Variants in CNTNAP4 observed in about 807,000 individuals in gnomAD.
The protein encoded by CNTNAP4 is contactin associated protein family member 4.
In CNTNAP4, 98 loss-of-function variants were observed where a neutral mutation model predicts 148.4. The observed-to-expected ratio is 0.66, with a 90% CI of 0.56 to 0.78. The LOEUF (loss-of-function observed/expected upper bound fraction) is 0.78. CNTNAP4 is among the 30% of genes least tolerant of loss of function. The probability of loss-of-function intolerance (pLI) is 0.00; values close to 1 mark genes in which losing one functional copy is unlikely to be tolerated. For missense variants in CNTNAP4, 1,935 were observed against 1,565.6 expected, an observed-to-expected ratio of 1.24 and a Z score of -3.98; for synonymous variants, 730 against 565.1, an observed-to-expected ratio of 1.29 and a Z score of -4.14.
At chr16:76,287,722 T>G (rs928150690) in intron 1 of CNTNAP4, 6 of 152,364 alleles carry the variant, frequency 3.9e-5, no homozygotes, top group Admixed American at 3.3e-4. Context: ...CTGTTCCCTC[T>G]TCCTTCCTCA....
At chr16:76,364,994 T>G (rs979821840) in intron 3 of CNTNAP4, among the ~76,000 whole-genome samples, 2 of 152,180 alleles carry the variant, frequency 1.3e-5, no homozygotes, top group African/African-American at 4.8e-5. Flanking sequence ...CTTCTAGGGT[T>G]TTTATGGTTA....
rs556250965 is a variant in CNTNAP4 at position 76,326,645 on chromosome 16, G to A, written c.196+10122G>A. On this transcript the variant is annotated intron_variant, in intron 2 of 23. Transcript: ENST00000611870. ...AAAAAATGATGAGTTCATGTCCTTT[G>A]TAGGGACATGGATAAAGCTGGAAAC... 6.3e-3 allele frequency among the ~76,000 whole-genome samples: 953 copies of A among 152,222 alleles called. 6 individuals carry two copies. Among genetic ancestry groups the A allele is most frequent in the Non-Finnish European group, 7.4e-3 (502 of 68,014 alleles).
At chr16:76,539,106 A>G (rs959905097) in intron 19 of CNTNAP4, among the ~76,000 whole-genome samples, 1 of 152,072 alleles carries the variant, frequency 6.6e-6, no homozygotes, top group Non-Finnish European at 1.5e-5. Context: ...GCTTATTTAT[A>G]TATTAGGGCA....
intron 17 of CNTNAP4, among the ~76,000 whole-genome samples, chr16:76,526,189 G>C (rs1372056693): frequency 6.6e-6 from 1 of 152,066 alleles, no homozygotes; most frequent in African/African-American, 2.4e-5. Flanking sequence ...AAACAGAAGA[G>C]AAAACCCTGT....
At chr16:76,371,601 A>G (rs1298133800) in intron 3 of CNTNAP4, among the ~76,000 whole-genome samples, 2 of 152,164 alleles carry the variant, frequency 1.3e-5, no homozygotes, top group African/African-American at 4.8e-5. Flanking sequence ...CACTTCTGGG[A>G]CAAGGTTACA....
At chr16:76,319,969 T>A (rs1460796766) in intron 2 of CNTNAP4, among the ~76,000 whole-genome samples, 1 of 152,224 alleles carries the variant, frequency 6.6e-6, no homozygotes, top group Non-Finnish European at 1.5e-5. Context: ...ACTAGAAGTT[T>A]AGTGCCACTG....
chr16:76,431,803 C>T (rs1375429481), intron 4 of CNTNAP4, among the ~76,000 whole-genome samples: 1 of 129,640 alleles, frequency 7.7e-6, no homozygotes, highest in African/African-American at 2.6e-5. Flanking sequence ...CTCCGTTGAT[C>T]CTTTTTTTTT....
intron 15 of CNTNAP4, among the ~76,000 whole-genome samples, chr16:76,517,828 G>T (rs1312696217): frequency 6.6e-6 from 1 of 151,880 alleles, no homozygotes; most frequent in Non-Finnish European, 1.5e-5. Flanking sequence ...TCCCTCGATC[G>T]CTCCATCTCC....
At chr16:76,481,704 A>G (rs1239226453) in intron 12 of CNTNAP4, among the ~76,000 whole-genome samples, 1 of 152,202 alleles carries the variant, frequency 6.6e-6, no homozygotes, top group Non-Finnish European at 1.5e-5. Flanking sequence ...CAAAATTATT[A>G]TACATTGAGG....
intron 6 of CNTNAP4, 39 bp from the exon 7 acceptor site, chr16:76,449,676 T>C (rs1194102745): frequency 1.3e-6 from 2 of 1,503,802 alleles, no homozygotes; most frequent in Non-Finnish European, 1.8e-6. Context: ...TTTTAGAAAA[T>C]CACTAAACAA....
chr16:76,311,376 T>A (rs1373902796), intron 1 of CNTNAP4, among the ~76,000 whole-genome samples: 22 of 152,150 alleles, frequency 1.4e-4, no homozygotes. Context: ...TTTTCTGTCA[T>A]GTAAAGAGTA....
intron 3 of CNTNAP4, among the ~76,000 whole-genome samples, chr16:76,424,558 A>T (rs530967768): frequency 4.6e-5 from 7 of 152,246 alleles, no homozygotes; most frequent in African/African-American, 1.4e-4. Context: ...GTTTGAGACC[A>T]GCCTGGCCAA....
chr16:76,334,203 A>C (rs1963817031), intron 2 of CNTNAP4, among the ~76,000 whole-genome samples: 1 of 148,294 alleles, frequency 6.7e-6, no homozygotes, highest in Non-Finnish European at 1.5e-5. Flanking sequence ...TAATAATAAT[A>C]AACAGCCTAT....
intron 21 of CNTNAP4, among the ~76,000 whole-genome samples, chr16:76,548,433 C>T (rs1056039545): frequency 4.6e-5 from 7 of 150,578 alleles, no homozygotes; most frequent in South Asian, 4.2e-4. Context: ...TTTTTGCTTA[C>T]GCCTCAGGAA....
chr16:76,551,591 G>C (rs958558549), intron 21 of CNTNAP4, among the ~76,000 whole-genome samples: 1 of 152,106 alleles, frequency 6.6e-6, no homozygotes, highest in African/African-American at 2.4e-5. Context: ...GAATACAGTA[G>C]GCCAGAGGTC....
intron 9 of CNTNAP4, among the ~76,000 whole-genome samples, chr16:76,465,199 A>C (rs902224888): frequency 6.6e-6 from 1 of 152,230 alleles, no homozygotes; most frequent in African/African-American, 2.4e-5. Context: ...GGATCCATCC[A>C]TTAATTCAGC....
chr16:76,332,527 G>A (rs1411667879), intron 2 of CNTNAP4, among the ~76,000 whole-genome samples: 2 of 152,116 alleles, frequency 1.3e-5, no homozygotes, highest in East Asian at 3.9e-4. Flanking sequence ...ACCTCCCAAA[G>A]TGCCATTATT....
At chr16:76,461,171 G>A (rs1355859460) in intron 8 of CNTNAP4, among the ~76,000 whole-genome samples, 1 of 151,924 alleles carries the variant, frequency 6.6e-6, no homozygotes, top group Non-Finnish European at 1.5e-5. Context: ...TATGTTTGGG[G>A]GCCACTTTAA....
intron 2 of CNTNAP4, among the ~76,000 whole-genome samples, chr16:76,337,645 C>A (rs556436649): frequency 6.6e-5 from 10 of 152,276 alleles, no homozygotes; most frequent in African/African-American, 2.4e-4. Flanking sequence ...GACAACTGAT[C>A]TGACTAGAAT....
Sources: gnomAD v4.1 joint callset for allele counts (sites outside exome capture counted in the v4.1 genomes callset) on GRCh38, gnomAD v4.1.1 for gene constraint, MANE v1.5 for transcripts, NCBI Gene and HGNC (gene_info 2026-07-23, HGNC 2026-07-21) for gene names.